The following SLC47A1 variants were observed in gnomAD, a reference collection of about 807,000 sequenced individuals.
SLC47A1 encodes multidrug and toxin extrusion protein 1.
In SLC47A1, 58 loss-of-function variants were observed where a neutral mutation model predicts 65.8. The ratio of observed to expected loss-of-function variants is 0.88; its 90% CI spans 0.71 to 1.10. The LOEUF (loss-of-function observed/expected upper bound fraction) is 1.10, where lower values mean the gene tolerates loss of function less well. SLC47A1 is among the 50% of genes least tolerant of loss of function. The pLI, the probability that SLC47A1 is intolerant of heterozygous loss-of-function variation, is 0.00. For missense variants in SLC47A1, 706 were observed against 719.2 expected (o/e 0.98, Z 0.21); for synonymous variants, 285 against 295.0 (o/e 0.97, Z 0.35).
At position 19,577,855 on chromosome 17, in the gene SLC47A1, T is replaced by A; in HGVS notation, c.*302T>A. The A allele has an allele frequency of 2.4e-6, 3 of 1,263,078 alleles. No individual in the cohort carries two copies. In the African/African-American group the frequency reaches 4.6e-5, roughly 19 times the overall value. The allele number at this position is 1,263,078 out of a possible 1,614,324, so 78.2% of individuals were successfully genotyped here. On this transcript the variant is annotated 3_prime_UTR_variant, in exon 17 of 17. Transcript: ENST00000270570. The stretch of plus-strand genomic sequence containing the variant: ...GGCTTTGATACTTCTGCTATTTTTT[T>A]AGACACAAACCCATAAACTAACTGC...
At position 19,572,820 on chromosome 17, in the gene SLC47A1, G is replaced by A. The variant is rs770811618; in HGVS notation, c.1445G>A (p.Arg482Gln). The change falls in exon 16 of 17, where the codon CGG becomes CAG. Residue 482 changes from arginine (R) to glutamine (Q), a missense_variant. Transcript: ENST00000270570. ...HANLKVNNVP[R>Q]SGNSALPQDP... ...AATTTGAAAGTAAACAACGTGCCTC[G>A]GAGTGGGAATTCTGCTCTCCCTCAG... The A allele has an allele frequency of 8.7e-6, 14 of 1,614,108 alleles. No homozygotes were observed. Among genetic ancestry groups the A allele is most frequent in the East Asian group, 2.2e-5 (1 of 44,878 alleles).
At position 19,539,492 on chromosome 17, in the gene SLC47A1, C is replaced by CT. The variant is rs796151510; in HGVS notation, c.136-2891dup. On this transcript the variant is annotated intron_variant, in intron 1 of 16. Transcript: ENST00000270570. ...CCTCAGCCCCAGGGAACTCCTGGGT[C>CT]TTTTTTTTTTGAGATGGAGTCTCTC... Among the ~76,000 whole-genome samples, 409 of 147,378 alleles carry CT rather than the reference C, an allele frequency of 2.8e-3. 2 individuals carry two copies. The highest frequency in any genetic ancestry group is 8.4e-3 in the African/African-American group (336 of 40,202).
At chr17:19,563,128 CT>C (rs572651224) in intron 12 of SLC47A1, among the ~76,000 whole-genome samples, 1,235 of 82,598 alleles carry the variant, frequency 0.015, 7 homozygotes, top group African/African-American at 0.056. Flanking sequence ...TAAGAGAAAG[CT>C]TTTTTTTTTT....
chr17:19,577,637 G>C lies in SLC47A1; in HGVS notation c.*84G>C. The stretch of plus-strand genomic sequence containing the variant: ...GCCCACCAGTGACAATTTACTGTGA[G>C]TTAATGTCATTCAGGTGTGCCCATG... On this transcript the variant is annotated 3_prime_UTR_variant, in exon 17 of 17. Coordinates refer to ENST00000270570, the MANE Select transcript of SLC47A1 (RefSeq NM_018242.3). 6.3e-7 allele frequency: 1 copy of C among 1,575,888 alleles called. No individual in the cohort carries two copies. Among genetic ancestry groups the C allele is most frequent in the Non-Finnish European group, 8.6e-7 (1 of 1,162,150 alleles).
intron 1 of SLC47A1, among the ~76,000 whole-genome samples, chr17:19,537,563 C>T (rs1727804368): frequency 6.6e-6 from 1 of 152,226 alleles, no homozygotes; most frequent in Admixed American, 6.5e-5. Flanking sequence ...AGGTCCGGCC[C>T]CCACGCCTCT....
intron 16 of SLC47A1, among the ~76,000 whole-genome samples, chr17:19,573,606 A>C (rs1361722506): frequency 6.6e-6 from 1 of 151,622 alleles, no homozygotes; most frequent in Non-Finnish European, 1.5e-5. Context: ...CACCCTTTAC[A>C]TCTTGGGCTC....
chr17:19,555,614 G>T lies in SLC47A1; in HGVS notation c.663G>T (p.Leu221Phe). Reference sequence around the variant, plus strand: ...CCAGAGGCTCTGCACTGGCAAACTTGATTTCCCAGTACACCCTGGCTCTAC... The same window carrying T: ...CCAGAGGCTCTGCACTGGCAAACTTTATTTCCCAGTACACCCTGGCTCTAC... The part of the protein sequence containing the change: ...LGVIGSALAN[L>F]ISQYTLALLL... The change falls in exon 8 of 17, where the codon TTG becomes TTT. Residue 221 changes from leucine (L) to phenylalanine (F), a missense_variant. By Grantham distance (22) the Leu-to-Phe change is conservative. Transcript: ENST00000270570. 2 of 1,614,162 alleles carry T rather than the reference G, an allele frequency of 1.2e-6. No individual in the cohort carries two copies. Among genetic ancestry groups the T allele is most frequent in the Non-Finnish European group, 1.7e-6 (2 of 1,180,034 alleles).
intron 10 of SLC47A1, chr17:19,557,897 CAAAA>C (rs67441443): frequency 0.46 from 65,805 of 142,864 alleles, 13,781 homozygotes; most frequent in Middle Eastern, 0.62. Flanking sequence ...ACTTTCCCTC[CAAAA>C]AAAAAAAAAA....
chr17:19,547,390 C>T (rs2152313255), intron 3 of SLC47A1, among the ~76,000 whole-genome samples: 1 of 150,858 alleles, frequency 6.6e-6, no homozygotes, highest in Admixed American at 6.6e-5. Context: ...CTCTGTCACC[C>T]AGGCTGGAGT....
chr17:19,540,230 G>A (rs149916769), intron 1 of SLC47A1, among the ~76,000 whole-genome samples: 85 of 152,168 alleles, frequency 5.6e-4, no homozygotes, highest in African/African-American at 2.0e-3. Flanking sequence ...CACTCCAAAG[G>A]CCGGGCAGTA....
At chr17:19,565,863 G>A (rs982196371) in intron 12 of SLC47A1, among the ~76,000 whole-genome samples, 26 of 152,082 alleles carry the variant, frequency 1.7e-4, no homozygotes, top group African/African-American at 6.3e-4. Flanking sequence ...TTACAGGCGT[G>A]AGCCACCGTG....
In SLC47A1 at chr17:19,569,858, T is replaced by C. The variant is rs1367081827; in HGVS notation, c.1310-1620T>C. On this transcript the variant is annotated intron_variant, in intron 14 of 16. Transcript: ENST00000270570. ...GTGGTTCAGGTGAGCTTGTAGTTTC[T>C]ATGTACTGAGAACACTGGATTTGAA... Among the ~76,000 whole-genome samples, 5 of 152,258 alleles carry C rather than the reference T, an allele frequency of 3.3e-5. No individual in the cohort carries two copies. The South Asian group carries it at 1.0e-3, about 31-fold the overall frequency.
intron 2 of SLC47A1, among the ~76,000 whole-genome samples, chr17:19,544,797 G>A (rs939234416): frequency 6.6e-6 from 1 of 152,196 alleles, no homozygotes; most frequent in African/African-American, 2.4e-5. Flanking sequence ...CTTTTTAAAA[G>A]AGAAAGCCTG....
intron 14 of SLC47A1, among the ~76,000 whole-genome samples, chr17:19,568,870 A>G (rs1044099798): frequency 7.2e-5 from 11 of 152,084 alleles, no homozygotes; most frequent in African/African-American, 2.6e-4. Flanking sequence ...CAACTTTTTT[A>G]GAAGAGGAGT....
At chr17:19,542,322 C>A in intron 1 of SLC47A1, 71 bp from the exon 2 acceptor site, 1 of 1,135,074 alleles carries the variant, frequency 8.8e-7, no homozygotes, top group South Asian at 1.9e-5. Flanking sequence ...GGGTCGGGGT[C>A]ACACTTGGGG....
rs775518585 is a variant in SLC47A1, at chr17:19,577,374, A to T, written c.1534A>T (p.Thr512Ser). The T allele has an allele frequency of 1.9e-6, 3 of 1,614,100 alleles. No individual in the cohort carries two copies. The highest frequency in any genetic ancestry group is 2.2e-5 in the South Asian group (2 of 91,088). ...EGILTNDVGK[T>S]GEPQSDQQMR... ...AATTTTAACGAACGATGTTGGAAAG[A>T]CAGGCGAGCCTCAGTCAGATCAGCA... is the stretch of plus-strand genomic sequence containing the variant. Residue 512 changes from threonine to serine, a missense_variant, in exon 17 of 17, where the codon ACA becomes TCA. Transcript: ENST00000270570.
intron 2 of SLC47A1, among the ~76,000 whole-genome samples, chr17:19,542,954 G>T (rs9913823): frequency 0.44 from 65,681 of 150,882 alleles, 14,511 homozygotes; most frequent in Middle Eastern, 0.56. Flanking sequence ...ACCACACTTG[G>T]TTAATATTTG....
intron 12 of SLC47A1, among the ~76,000 whole-genome samples, chr17:19,561,822 A>G (rs971163923): frequency 1.3e-5 from 2 of 152,044 alleles, no homozygotes; most frequent in Non-Finnish European, 2.9e-5. Flanking sequence ...GATTAATTAC[A>G]TTTTCAGTTA....
At chr17:19,551,389 A>T in intron 5 of SLC47A1, 35 bp from the exon 6 acceptor site, 1 of 1,573,056 alleles carries the variant, frequency 6.4e-7, no homozygotes, top group Non-Finnish European at 8.8e-7. Context: ...GGCAAGGCTG[A>T]AACATTAACA....
Sources: gnomAD v4.1 joint callset for allele counts (sites outside exome capture counted in the v4.1 genomes callset) on GRCh38, gnomAD v4.1.1 for gene constraint, MANE v1.5 for transcripts, NCBI Gene and HGNC (gene_info 2026-07-23, HGNC 2026-07-21) for gene names.